EIF3A: variants seen among roughly 807,000 people sequenced by gnomAD.
EIF3A encodes EIF3, p180 subunit.
Under a neutral mutation model 186.6 loss-of-function variants are expected in EIF3A, and 21 were observed. The observed-to-expected ratio is 0.11, with a 90% CI of 0.08 to 0.16. The LOEUF (loss-of-function observed/expected upper bound fraction) is 0.16. Among genes scored for constraint, EIF3A ranks in the 10% least tolerant of loss-of-function variants. EIF3A has a pLI of 1.00. For synonymous variants in EIF3A, 563 were observed against 584.3 expected (o/e 0.96, Z 0.52); for missense variants, 1,306 against 1,796.3 (o/e 0.73, Z 4.93).
intron 17 of EIF3A, among the ~76,000 whole-genome samples, chr10:119,045,614 G>A (rs1245446466): frequency 6.6e-6 from 1 of 152,176 alleles, no homozygotes; most frequent in Non-Finnish European, 1.5e-5. Context: ...TTTGAAGGAT[G>A]GCTCTTATAG....
At chr10:119,052,275 C>T (rs751828384) in intron 14 of EIF3A, among the ~76,000 whole-genome samples, 39 of 152,116 alleles carry the variant, frequency 2.6e-4, no homozygotes, top group Non-Finnish European at 5.3e-4. Flanking sequence ...ACTTACTTTG[C>T]TCATCCATAA....
In EIF3A at chr10:119,069,586, C is replaced by G. The variant is rs901768155; in HGVS notation, c.810G>C (p.Gln270His). The G allele has an allele frequency of 6.2e-7, 1 of 1,601,312 alleles. No individual in the cohort carries two copies. Among genetic ancestry groups the G allele is most frequent in the Non-Finnish European group, 8.6e-7 (1 of 1,168,452 alleles). ...CTTTGTTATAGTAATTTGCCATCAACTGAGGTTTAGGTGGTTTTTTAGACA... is the reference window on the plus strand; with the variant it reads ...CTTTGTTATAGTAATTTGCCATCAAGTGAGGTTTAGGTGGTTTTTTAGACA... ...FSLSKKPPKP[Q>H]LMANYYNKVS... The change falls in exon 6 of 22, where the codon CAG (glutamine) becomes CAC (histidine). Residue 270 changes from glutamine to histidine, a missense_variant. Physicochemically the swap from Gln to His is conservative, Grantham distance 24. Around this residue, in one of 8 missense-constraint regions of EIF3A, gnomAD observed 267 missense variants for 367.8 expected, o/e 0.73. Coordinates refer to ENST00000369144, the MANE Select transcript of EIF3A (RefSeq NM_003750.4).
chr10:119,038,330 A>G lies in EIF3A; in HGVS notation c.3636T>C (p.Asp1212=). Residue 1212 remains aspartate, a synonymous_variant, in exon 20 of 22, where the codon GAT becomes GAC. Coordinates refer to ENST00000369144, the MANE Select transcript of EIF3A (RefSeq NM_003750.4). ...TGTCATTCTCCTCCCGATCTTGATT[A>G]TCTCTGTCCCTTTCTTTTTCTCTGT... ...EWDREKERDR[D]NQDREENDKD... is the part of the protein sequence containing the mutation. 1 of 1,613,940 alleles carries G rather than the reference A, an allele frequency of 6.2e-7. No homozygotes were observed. The highest frequency in any genetic ancestry group is 8.5e-7 in the Non-Finnish European group (1 of 1,179,950).
At chr10:119,050,700 A>G (rs1238706393) in intron 15 of EIF3A, 26 bp from the exon 16 acceptor site, 4 of 1,612,006 alleles carry the variant, frequency 2.5e-6, no homozygotes. Flanking sequence ...CCCCCAACCC[A>G]AAAAGGGCAC....
In EIF3A at chr10:119,061,247, T is replaced by C; in HGVS notation, c.1204A>G (p.Lys402Glu). ...ACCTTTGTGACTCGCTCACAGAGTT[T>C]TAATGGGTTAAATTCTACTTCAAGC... The part of the protein sequence containing the change: ...NWLEVEFNPL[K>E]LCERVTKVLN... Residue 402 changes from lysine (K) to glutamate (E), a missense_variant, in exon 8 of 22, where the codon AAA becomes GAA. Around this residue, in one of 8 missense-constraint regions of EIF3A, gnomAD observed 267 missense variants for 367.8 expected, o/e 0.73. Transcript: ENST00000369144. 2 of 1,583,134 alleles carry C rather than the reference T, an allele frequency of 1.3e-6. No individual in the cohort carries two copies. Among genetic ancestry groups the C allele is most frequent in the South Asian group, 1.1e-5 (1 of 88,608 alleles).
At chr10:119,037,453 G>A in intron 20 of EIF3A, 144 bp from the exon 21 acceptor site, 1 of 687,752 alleles carries the variant, frequency 1.5e-6, no homozygotes. Flanking sequence ...CTGATGCCTG[G>A]GGCGTGGAGA....
At chr10:119,072,240 C>G (rs1170111826) in intron 4 of EIF3A, among the ~76,000 whole-genome samples, 3 of 36,294 alleles carry the variant, frequency 8.3e-5, no homozygotes, top group Admixed American at 9.8e-4. Flanking sequence ...AACTCAAGTT[C>G]ACTAAAAAAA....
intron 1 of EIF3A, chr10:119,080,241 T>A: frequency 4.5e-6 from 4 of 892,272 alleles, no homozygotes; most frequent in Non-Finnish European, 4.0e-6. Context: ...TCCCCGGCAC[T>A]CCCAGATGGC....
intron 1 of EIF3A, 41 bp from the exon 2 acceptor site, chr10:119,073,978 TACAAG>T (rs763222295): frequency 6.8e-7 from 1 of 1,470,344 alleles, no homozygotes; most frequent in Non-Finnish European, 9.1e-7. Flanking sequence ...ATGTACACTA[TACAAG>T]AGTCTAAACT....
intron 17 of EIF3A, among the ~76,000 whole-genome samples, chr10:119,044,636 CAGG>C (rs747501396): frequency 8.5e-5 from 13 of 152,180 alleles, no homozygotes; most frequent in Non-Finnish European, 1.8e-4. Context: ...ATCACGAGGT[CAGG>C]AGATCAAGAC....
At chr10:119,041,444 C>A (rs778199917) in intron 19 of EIF3A, among the ~76,000 whole-genome samples, 1 of 151,646 alleles carries the variant, frequency 6.6e-6, no homozygotes, top group South Asian at 2.1e-4. Flanking sequence ...TGGTGGCATG[C>A]GCCTGTAGTC....
chr10:119,080,123 G>A (rs1351188691), intron 1 of EIF3A, among the ~76,000 whole-genome samples: 2 of 152,252 alleles, frequency 1.3e-5, no homozygotes, highest in East Asian at 1.9e-4. Flanking sequence ...GAGAGCGGGG[G>A]TGGCTGCGGG....
rs962014575 is a variant in EIF3A, at chr10:119,042,666, G to A, written c.2854C>T (p.Pro952Ser). The A allele has an allele frequency of 5.6e-6, 9 of 1,614,028 alleles. No individual in the cohort carries two copies. The highest frequency in any genetic ancestry group is 1.3e-5 in the African/African-American group (1 of 74,912). ...DDEDREPSLR[P>S]DDDRVPRRGM... ...CGCCGGGGAACCCGATCATCGTCTG[G>A]TCTAAGAGAGGGCTCTCTATCTTCA... Residue 952 changes from proline to serine, a missense_variant, in exon 19 of 22, where the codon CCA becomes TCA. Transcript: ENST00000369144. This position sits in a 1 kb window ranked among gnomAD's most constrained non-coding sequence, Gnocchi z 7.8.
At chr10:119,076,043 G>A (rs1212375751) in intron 1 of EIF3A, among the ~76,000 whole-genome samples, 4 of 145,964 alleles carry the variant, frequency 2.7e-5, no homozygotes, top group African/African-American at 1.0e-4. Flanking sequence ...TTTCTTTTAA[G>A]AGCTATCTGA....
intron 7 of EIF3A, 38 bp downstream of exon 7, chr10:119,065,361 C>G: frequency 6.7e-7 from 1 of 1,491,034 alleles, no homozygotes; most frequent in South Asian, 1.2e-5. Flanking sequence ...ACAAAGTTTT[C>G]TGCCCAAAGC....
At chr10:119,075,341 TAA>T (rs1844149242) in intron 1 of EIF3A, among the ~76,000 whole-genome samples, 1 of 152,200 alleles carries the variant, frequency 6.6e-6, no homozygotes, top group African/African-American at 2.4e-5. Context: ...GTTCCAATTT[TAA>T]GTTTTATGCA....
At chr10:119,075,641 T>C (rs1844154846) in intron 1 of EIF3A, among the ~76,000 whole-genome samples, 3 of 43,228 alleles carry the variant, frequency 6.9e-5, no homozygotes, top group Admixed American at 3.9e-4. Flanking sequence ...CTTAAAACAC[T>C]ATATATATAC....
rs67696743 is a variant in EIF3A, at chr10:119,049,493, C to CAAAA, written c.2658+304_2658+307dup. Among the ~76,000 whole-genome samples, 296 of 112,500 alleles carry CAAAA rather than the reference C, an allele frequency of 2.6e-3. 12 individuals are homozygous for CAAAA. The highest frequency in any genetic ancestry group is 0.015 in the Middle Eastern group (3 of 206). 73.8% of individuals were successfully genotyped at this position (112,500 alleles called of 152,430 possible). A position where few individuals can be genotyped will look rare whatever the true frequency, so the allele number is the denominator to read the frequency against. On this transcript the variant is annotated intron_variant, in intron 17 of 21. Coordinates refer to ENST00000369144, the MANE Select transcript of EIF3A (RefSeq NM_003750.4). Reference sequence around the variant, plus strand: ...TGGGCAATGAAGCGAGACTCTGTCTCAAAAAAAAAAAAAAAAGAGAAAGAG... The same window carrying CAAAA: ...TGGGCAATGAAGCGAGACTCTGTCTCAAAAAAAAAAAAAAAAAAAAGAGAAAGAG...
At chr10:119,046,469 A>G (rs1042479777) in intron 17 of EIF3A, among the ~76,000 whole-genome samples, 1 of 152,250 alleles carries the variant, frequency 6.6e-6, no homozygotes, top group Non-Finnish European at 1.5e-5. Context: ...AATGTTCGCT[A>G]ATATGGATGG....
Sources: gnomAD v4.1 joint callset for allele counts (sites outside exome capture counted in the v4.1 genomes callset) on GRCh38, gnomAD v4.1.1 for gene constraint, gnomAD v4.1.1 regional missense constraint, Gnocchi (gnomAD v3.1) non-coding constraint, MANE v1.5 for transcripts, NCBI Gene and HGNC (gene_info 2026-07-23, HGNC 2026-07-21) for gene names.